Variants in ROBO1 observed in about 807,000 individuals in gnomAD.
The protein encoded by ROBO1 is roundabout homolog 1.
ROBO1 carries 149 observed loss-of-function variants against 195.9 expected under a neutral mutation model. That is an observed-to-expected ratio of 0.76 (90% CI 0.67 to 0.87). The LOEUF (loss-of-function observed/expected upper bound fraction) is 0.87, where lower values mean the gene tolerates loss of function less well. Among genes scored for constraint, ROBO1 ranks in the 40% least tolerant of loss-of-function variants. The probability of loss-of-function intolerance (pLI) is 0.00; values close to 1 mark genes in which losing one functional copy is unlikely to be tolerated. For synonymous variants in ROBO1, 816 were observed against 733.2 expected (o/e 1.11, Z -1.82); for missense variants, 1,933 against 2,068.3 (o/e 0.93, Z 1.27).
chr3:79,214,014 C>G (rs945716421), intron 2 of ROBO1, among the ~76,000 whole-genome samples: 2 of 151,498 alleles, frequency 1.3e-5, no homozygotes, highest in Admixed American at 1.3e-4. Context: ...TTAGTAGAGA[C>G]GGGATTTCAC....
At chr3:79,358,276 G>A (rs1290923155) in intron 2 of ROBO1, among the ~76,000 whole-genome samples, 1 of 152,044 alleles carries the variant, frequency 6.6e-6, no homozygotes, top group Non-Finnish European at 1.5e-5. Flanking sequence ...ATTACATATA[G>A]ATACGGCTAT....
chr3:79,108,130 A>T (rs1046480400), intron 3 of ROBO1, among the ~76,000 whole-genome samples: 3 of 151,726 alleles, frequency 2.0e-5, no homozygotes, highest in Non-Finnish European at 4.4e-5. Context: ...TTAAGTGAAT[A>T]TAGTATGTGT....
intron 2 of ROBO1, among the ~76,000 whole-genome samples, chr3:79,134,025 A>G (rs1295158874): frequency 6.6e-6 from 1 of 151,284 alleles, no homozygotes; most frequent in Non-Finnish European, 1.5e-5. Context: ...ACAAAAGCCA[A>G]AATTGACAAA....
chr3:78,661,510 A>T (rs919794125), intron 15 of ROBO1, among the ~76,000 whole-genome samples: 2 of 152,198 alleles, frequency 1.3e-5, no homozygotes, highest in African/African-American at 4.8e-5. Context: ...TACTGAAAAA[A>T]TTCCACTATC....
intron 3 of ROBO1, among the ~76,000 whole-genome samples, chr3:78,967,983 C>T (rs754724494): frequency 1.2e-4 from 19 of 152,054 alleles, no homozygotes; most frequent in Non-Finnish European, 2.5e-4. Flanking sequence ...GAGATTAGAA[C>T]GGCAAACAAA....
intron 3 of ROBO1, among the ~76,000 whole-genome samples, chr3:79,052,570 G>T (rs369657553): frequency 1.3e-3 from 199 of 152,162 alleles, no homozygotes; most frequent in African/African-American, 4.7e-3. Context: ...GAAACTTGCT[G>T]GTTTTGCAGC....
chr3:79,694,212 C>G (rs988777242), intron 1 of ROBO1, among the ~76,000 whole-genome samples: 16 of 151,804 alleles, frequency 1.1e-4, no homozygotes, highest in Admixed American at 9.2e-4. Flanking sequence ...AAATGTAATA[C>G]AAATTCCTTA....
chr3:79,603,439 C>T (rs1944396140), intron 1 of ROBO1, among the ~76,000 whole-genome samples: 1 of 152,022 alleles, frequency 6.6e-6, no homozygotes, highest in African/African-American at 2.4e-5. Flanking sequence ...TGGAGAGTTA[C>T]CCCTCTGTGA....
chr3:78,854,500 A>C (rs560126058), intron 4 of ROBO1, among the ~76,000 whole-genome samples: 30 of 151,374 alleles, frequency 2.0e-4, no homozygotes, highest in Non-Finnish European at 8.8e-5. Context: ...TAATATTTTT[A>C]TGTGTCAAAA....
Position 79,608,010 on chromosome 3 carries a change from T to C in ROBO1, c.-50-18049A>G, listed in dbSNP as rs189246103. Among the ~76,000 whole-genome samples the C allele has an allele frequency of 1.0e-3, 158 of 152,146 alleles. 1 individual carries two copies. The highest frequency in any genetic ancestry group is 3.7e-3 in the African/African-American group (155 of 41,546). On this transcript the variant is annotated intron_variant, in intron 1 of 30. Transcript: ENST00000464233. ...ATGCTGTATGTATGTGATACTACAT[T>C]GATCAATTAGTACGATTTCATCAAA...
chr3:78,799,426 C>T (rs1336075005), intron 4 of ROBO1, among the ~76,000 whole-genome samples: 1 of 152,108 alleles, frequency 6.6e-6, no homozygotes, highest in Non-Finnish European at 1.5e-5. Flanking sequence ...ACTGCAAGCT[C>T]TGCCTCCCGG....
chr3:78,924,011 C>T (rs2039079489), intron 4 of ROBO1, among the ~76,000 whole-genome samples: 2 of 151,722 alleles, frequency 1.3e-5, no homozygotes. Flanking sequence ...TGAGTCAACT[C>T]TGTTATCCAA....
intron 2 of ROBO1, among the ~76,000 whole-genome samples, chr3:79,588,645 C>G (rs1287781928): frequency 6.6e-6 from 1 of 151,578 alleles, no homozygotes; most frequent in Admixed American, 6.6e-5. Context: ...ATGATGTTTT[C>G]TTTGATTCAT....
chr3:79,480,440 G>C (rs534393451), intron 2 of ROBO1, among the ~76,000 whole-genome samples: 3 of 151,982 alleles, frequency 2.0e-5, no homozygotes, highest in Admixed American at 1.3e-4. Context: ...TTCTAGATGG[G>C]CACACTTCAT....
chr3:78,698,279 T>C (rs556390524), intron 8 of ROBO1, among the ~76,000 whole-genome samples: 13 of 152,316 alleles, frequency 8.5e-5, no homozygotes, highest in African/African-American at 3.1e-4. Context: ...GGAAAAATTA[T>C]ATACATAGAT....
At chr3:79,066,369 T>C (rs1489342327) in intron 3 of ROBO1, among the ~76,000 whole-genome samples, 5 of 152,062 alleles carry the variant, frequency 3.3e-5, no homozygotes, top group South Asian at 4.1e-4. Context: ...GATGTTCTTG[T>C]AATTTTTCAC....
At chr3:79,754,035 T>A (rs930917449) in intron 1 of ROBO1, among the ~76,000 whole-genome samples, 3 of 152,126 alleles carry the variant, frequency 2.0e-5, no homozygotes, top group African/African-American at 7.2e-5. Flanking sequence ...GCGGGTGGTC[T>A]AAGGATACAA....
intron 2 of ROBO1, among the ~76,000 whole-genome samples, chr3:79,398,971 T>C (rs2037257536): frequency 6.6e-6 from 1 of 151,954 alleles, no homozygotes; most frequent in Admixed American, 6.6e-5. Flanking sequence ...TTTGAGGGCA[T>C]AAGAGAGTGA....
At chr3:79,049,274 G>A (rs1293506013) in intron 3 of ROBO1, among the ~76,000 whole-genome samples, 3 of 152,066 alleles carry the variant, frequency 2.0e-5, no homozygotes, top group African/African-American at 4.8e-5. Context: ...TAGCCCATTC[G>A]ATCAAGTGGA....
Sources: allele counts gnomAD v4.1 joint callset (sites outside exome capture counted in the v4.1 genomes callset), GRCh38; gene constraint gnomAD v4.1.1; transcripts MANE v1.5; gene names NCBI Gene and HGNC (gene_info 2026-07-23, HGNC 2026-07-21).